Variants in HDAC9 observed in about 807,000 individuals in gnomAD.
HDAC9 encodes MEF-2 interacting transcription repressor (MITR) protein.
In HDAC9, 41 loss-of-function variants were observed where a neutral mutation model predicts 139.4. That is an observed-to-expected ratio of 0.29 (90% CI 0.23 to 0.38). The LOEUF is 0.38. HDAC9 is among the 10% of genes least tolerant of loss of function. The probability of loss-of-function intolerance (pLI) is 1.00; values close to 1 mark genes in which losing one functional copy is unlikely to be tolerated. For missense variants in HDAC9, 1,147 were observed against 1,297.0 expected (o/e 0.88, Z 1.78); for synonymous variants, 517 against 476.2 (o/e 1.09, Z -1.12).
chr7:18,732,809 ACACACACG>A (rs1786319905), intron 13 of HDAC9, among the ~76,000 whole-genome samples: 2 of 82,530 alleles, frequency 2.4e-5, no homozygotes, highest in Non-Finnish European at 4.5e-5. Context: ...GCGTATGTGT[ACACACACG>A]TGTGTATGTG....
At chr7:18,117,826 A>G (rs1784105018) in intron 1 of HDAC9, among the ~76,000 whole-genome samples, 1 of 152,186 alleles carries the variant, frequency 6.6e-6, no homozygotes, top group Non-Finnish European at 1.5e-5. Context: ...AGCCCTAGGA[A>G]AGGAATTCAG....
At chr7:18,352,536 G>C (rs552335341) in intron 1 of HDAC9, among the ~76,000 whole-genome samples, 1 of 152,192 alleles carries the variant, frequency 6.6e-6, no homozygotes, top group Admixed American at 6.6e-5. Flanking sequence ...TTTGTTGCAG[G>C]AGCTCCAGGT....
intron 2 of HDAC9, among the ~76,000 whole-genome samples, chr7:18,199,192 AT>A: frequency 6.6e-6 from 1 of 152,352 alleles, no homozygotes; most frequent in South Asian, 2.1e-4. Flanking sequence ...AGAATCACAC[AT>A]AGACTTTTCA....
intron 5 of HDAC9, among the ~76,000 whole-genome samples, chr7:18,593,146 C>T (rs570476853): frequency 2.1e-4 from 32 of 151,922 alleles, no homozygotes; most frequent in Non-Finnish European, 4.3e-4. Context: ...CCAATAAAGT[C>T]TTAAGAATAT....
intron 12 of HDAC9, among the ~76,000 whole-genome samples, chr7:18,722,866 C>T (rs771203293): frequency 6.6e-6 from 1 of 152,058 alleles, no homozygotes; most frequent in Non-Finnish European, 1.5e-5. Context: ...TTCATAGTTC[C>T]AATAATTATG....
intron 21 of HDAC9, among the ~76,000 whole-genome samples, chr7:18,850,725 C>G (rs1033844677): frequency 1.3e-5 from 2 of 152,170 alleles, no homozygotes; most frequent in Admixed American, 1.3e-4. Flanking sequence ...ATATCATGGA[C>G]TGGATGGCCC....
chr7:18,362,902 A>C (rs902317622), intron 1 of HDAC9, among the ~76,000 whole-genome samples: 35 of 152,180 alleles, frequency 2.3e-4, no homozygotes, highest in Admixed American at 2.0e-3. Context: ...CTCTAGTAAA[A>C]ATCTATGCCT....
At chr7:18,646,655 C>T (rs748669252) in intron 9 of HDAC9, among the ~76,000 whole-genome samples, 26 of 152,102 alleles carry the variant, frequency 1.7e-4, no homozygotes, top group Non-Finnish European at 3.2e-4. Context: ...AAAATTGCTT[C>T]GCCTCCCTGG....
At position 19,001,275 on chromosome 7, in the gene HDAC9, A is replaced by G. The variant is rs1289386829; in HGVS notation, c.*5213A>G. 1 of 152,188 alleles carries G rather than the reference A, an allele frequency of 6.6e-6. No individual in the cohort carries two copies. The highest frequency in any genetic ancestry group is 2.1e-4 in the South Asian group (1 of 4,836). 9.4% of individuals were successfully genotyped at this position (152,188 alleles called of 1,614,324 possible). ...GGAAAAGGAGAAACTTTAAATCAGTATGTTTTGAAAGGAAGAGATTTCCAG... is the reference window on the plus strand; with the variant it reads ...GGAAAAGGAGAAACTTTAAATCAGTGTGTTTTGAAAGGAAGAGATTTCCAG... On this transcript the variant is annotated 3_prime_UTR_variant, in exon 26 of 26. Transcript: ENST00000686413.
At chr7:18,445,299 GTT>G (rs1488379068) in intron 1 of HDAC9, among the ~76,000 whole-genome samples, 1 of 152,016 alleles carries the variant, frequency 6.6e-6, no homozygotes, top group Non-Finnish European at 1.5e-5. Context: ...ATTACATTGA[GTT>G]AACTTTTTTG....
At chr7:18,276,562 A>G (rs946191620) in intron 2 of HDAC9, among the ~76,000 whole-genome samples, 6 of 152,146 alleles carry the variant, frequency 3.9e-5, no homozygotes, top group South Asian at 2.1e-4. Context: ...TTGAATAGGG[A>G]CATCTGTCTC....
intron 12 of HDAC9, among the ~76,000 whole-genome samples, chr7:18,721,608 T>G (rs188768864): frequency 6.6e-6 from 1 of 152,216 alleles, no homozygotes; most frequent in African/African-American, 2.4e-5. Context: ...AAGTCCATGA[T>G]GATATTGATT....
intron 1 of HDAC9, among the ~76,000 whole-genome samples, chr7:18,375,042 TTACTA>T (rs1463282894): frequency 6.6e-6 from 1 of 152,236 alleles, no homozygotes; most frequent in Admixed American, 6.5e-5. Context: ...GTTTATGTAT[TTACTA>T]TACTATTAAT....
At chr7:18,793,080 C>A in intron 16 of HDAC9, 1 of 431,326 alleles carries the variant, frequency 2.3e-6, no homozygotes, top group Non-Finnish European at 4.3e-6. Context: ...GGCAGTGAGG[C>A]ATGGCAGGAA....
intron 1 of HDAC9, among the ~76,000 whole-genome samples, chr7:18,468,312 A>G (rs1794461055): frequency 6.6e-6 from 1 of 152,164 alleles, no homozygotes; most frequent in Non-Finnish European, 1.5e-5. Flanking sequence ...CCATTTATTT[A>G]TTTAACCACT....
chr7:18,260,009 C>A (rs1795544977), intron 2 of HDAC9, among the ~76,000 whole-genome samples: 2 of 152,184 alleles, frequency 1.3e-5, no homozygotes, highest in South Asian at 4.1e-4. Context: ...ATAGTATGAG[C>A]CTTTTAGAGA....
At chr7:18,745,362 G>A (rs1397752681) in intron 13 of HDAC9, among the ~76,000 whole-genome samples, 1 of 151,946 alleles carries the variant, frequency 6.6e-6, no homozygotes, top group African/African-American at 2.4e-5. Context: ...CTAGGTACCT[G>A]GCAAAAATTC....
At chr7:18,418,279 A>AACT (rs1478828398) in intron 1 of HDAC9, among the ~76,000 whole-genome samples, 1 of 152,338 alleles carries the variant, frequency 6.6e-6, no homozygotes, top group East Asian at 1.9e-4. Context: ...TTTTAGACTT[A>AACT]ACTACCAAAG....
At chr7:18,790,666 A>G (rs1376785142) in intron 16 of HDAC9, among the ~76,000 whole-genome samples, 1 of 152,240 alleles carries the variant, frequency 6.6e-6, no homozygotes, top group Non-Finnish European at 1.5e-5. Flanking sequence ...CTTGACCATT[A>G]CCGTTTATAA....
Sources: gnomAD v4.1 joint callset for allele counts (sites outside exome capture counted in the v4.1 genomes callset) on GRCh38, gnomAD v4.1.1 for gene constraint, MANE v1.5 for transcripts, NCBI Gene and HGNC (gene_info 2026-07-23, HGNC 2026-07-21) for gene names.